The following B3GALT1 variants were observed in gnomAD, a reference collection of about 807,000 sequenced individuals.
B3GALT1 encodes beta-1,3-galactosyltransferase 1, also known as UDP-Gal:betaGlcNAc beta 1,3-galactosyltransferase, polypeptide 1.
In B3GALT1, 10 loss-of-function variants were observed where a neutral mutation model predicts 23.2. The ratio of observed to expected loss-of-function variants is 0.43; its 90% CI spans 0.27 to 0.73. B3GALT1 has a LOEUF of 0.73. Ranked by LOEUF, B3GALT1 falls within the 30% of genes least tolerant of loss-of-function variation. B3GALT1 has a pLI of 0.21. For synonymous variants in B3GALT1, 156 were observed against 141.5 expected (o/e 1.10, Z -0.73); for missense variants, 299 against 405.4 (o/e 0.74, Z 2.25).
At chr2:167,796,432 A>G (rs1688547676) in intron 3 of B3GALT1, among the ~76,000 whole-genome samples, 1 of 152,136 alleles carries the variant, frequency 6.6e-6, no homozygotes, top group South Asian at 2.1e-4. Flanking sequence ...GCATAATAAC[A>G]TTTTCCCATT....
chr2:167,666,311 A>G (rs1242423213), intron 3 of B3GALT1, among the ~76,000 whole-genome samples: 3 of 152,074 alleles, frequency 2.0e-5, no homozygotes, highest in Admixed American at 6.6e-5. Context: ...TGTGGTCTGA[A>G]AGACAGTTTG....
At chr2:167,636,901 G>A (rs958419709) in intron 2 of B3GALT1, among the ~76,000 whole-genome samples, 2 of 151,876 alleles carry the variant, frequency 1.3e-5, no homozygotes, top group Non-Finnish European at 2.9e-5. Flanking sequence ...GGGTTGATGG[G>A]TGCAGCAAAC....
At chr2:167,684,281 A>G (rs1222151448) in intron 3 of B3GALT1, among the ~76,000 whole-genome samples, 1 of 152,192 alleles carries the variant, frequency 6.6e-6, no homozygotes, top group Non-Finnish European at 1.5e-5. Flanking sequence ...ATTCAATAAA[A>G]TCACTGAATA....
chr2:167,513,079 A>G, intron 2 of B3GALT1, among the ~76,000 whole-genome samples: 1 of 141,652 alleles, frequency 7.1e-6, no homozygotes, highest in African/African-American at 2.7e-5. Flanking sequence ...AAAAAAAAAA[A>G]AAAAAAAAAA....
intron 2 of B3GALT1, among the ~76,000 whole-genome samples, chr2:167,496,855 C>T (rs759753421): frequency 2.6e-5 from 4 of 152,096 alleles, no homozygotes; most frequent in Non-Finnish European, 5.9e-5. Flanking sequence ...ACTCTGTAAC[C>T]CTGAAGAAGG....
intron 3 of B3GALT1, among the ~76,000 whole-genome samples, chr2:167,677,707 GTGTAGTAGTCCATTCTCA>G (rs1416462234): frequency 1.3e-5 from 2 of 151,942 alleles, no homozygotes; most frequent in African/African-American, 4.8e-5. Flanking sequence ...CCTGGACCCC[GTGTAGTAGTCCATTCTCA>G]TGCTGCTATA....
intron 1 of B3GALT1, among the ~76,000 whole-genome samples, chr2:167,414,696 G>A (rs1167923405): frequency 6.6e-6 from 1 of 152,072 alleles, no homozygotes; most frequent in East Asian, 1.9e-4. Flanking sequence ...ATGAACCTAG[G>A]GTAATGCCCA....
intron 3 of B3GALT1, chr2:167,714,518 C>G: frequency 6.2e-7 from 1 of 1,611,664 alleles, no homozygotes; most frequent in Non-Finnish European, 8.5e-7. Context: ...ATATGGCGAA[C>G]GCTCTCTGCC....
At chr2:167,400,336 A>G (rs953412007) in intron 1 of B3GALT1, among the ~76,000 whole-genome samples, 1 of 151,674 alleles carries the variant, frequency 6.6e-6, no homozygotes, top group Non-Finnish European at 1.5e-5. Context: ...TTCCCCTTTT[A>G]TTTCCTCTGT....
chr2:167,565,649 A>C (rs1184602826), intron 2 of B3GALT1, among the ~76,000 whole-genome samples: 1 of 152,228 alleles, frequency 6.6e-6, no homozygotes, highest in Non-Finnish European at 1.5e-5. Context: ...ATGAACTCAA[A>C]CAAATTTACA....
At chr2:167,851,620 G>A (rs991017686) in intron 4 of B3GALT1, among the ~76,000 whole-genome samples, 2 of 152,114 alleles carry the variant, frequency 1.3e-5, no homozygotes, top group African/African-American at 2.4e-5. Context: ...AAATAATAAG[G>A]CTATTGGAAT....
chr2:167,444,714 C>T (rs1331078043), intron 1 of B3GALT1, among the ~76,000 whole-genome samples: 1 of 152,048 alleles, frequency 6.6e-6, no homozygotes, highest in Non-Finnish European at 1.5e-5. Context: ...GTGGTGATAA[C>T]CCCTTTATCA....
chr2:167,723,687 C>T (rs921283618), intron 3 of B3GALT1, among the ~76,000 whole-genome samples: 2 of 152,018 alleles, frequency 1.3e-5, no homozygotes, highest in African/African-American at 4.8e-5. Flanking sequence ...CATGCCACCA[C>T]ACCCAGCTAA....
chr2:167,803,492 A>C (rs1160227419), intron 3 of B3GALT1, among the ~76,000 whole-genome samples: 2 of 152,170 alleles, frequency 1.3e-5, no homozygotes, highest in Non-Finnish European at 2.9e-5. Context: ...CAATAGGCGT[A>C]GCTCTATTGT....
Position 167,869,196 on chromosome 2 carries a change from A to G in B3GALT1, c.157A>G (p.Ile53Val). The change falls in exon 5 of 5, where the codon ATA becomes GTA. Residue 53 changes from isoleucine (I) to valine (V), a missense_variant. Physicochemically the swap from Ile to Val is conservative, Grantham distance 29. Around this residue, in one of 3 missense-constraint regions of B3GALT1, gnomAD observed 162 missense variants for 184.1 expected, o/e 0.88. Transcript: ENST00000392690. This position sits in a 1 kb window ranked among gnomAD's most constrained non-coding sequence, Gnocchi z 6.4. ...CAGGAAAAACTTCACCTTTGGCAAC[A>G]TAAGAACTCGACCTATCAACCCACA... ...VARKNFTFGN[I>V]RTRPINPHSF... 6.2e-7 allele frequency: 1 copy of G among 1,614,214 alleles called. No individual in the cohort carries two copies. The highest frequency in any genetic ancestry group is 8.5e-7 in the Non-Finnish European group (1 of 1,180,028).
intron 3 of B3GALT1, chr2:167,716,181 C>T: frequency 1.8e-6 from 2 of 1,125,328 alleles, no homozygotes. Context: ...CCGGAGCGGA[C>T]TACTGCGGAG....
intron 3 of B3GALT1, among the ~76,000 whole-genome samples, chr2:167,754,734 C>T (rs916950683): frequency 6.6e-6 from 1 of 152,206 alleles, no homozygotes; most frequent in African/African-American, 2.4e-5. Context: ...GAAGCACCCA[C>T]TGAGTTCAAC....
At chr2:167,657,674 C>A (rs949599229) in intron 3 of B3GALT1, among the ~76,000 whole-genome samples, 1 of 152,030 alleles carries the variant, frequency 6.6e-6, no homozygotes, top group African/African-American at 2.4e-5. Flanking sequence ...GTCTAGTGGG[C>A]TGATAGTGAT....
At chr2:167,410,829 A>G (rs959085434) in intron 1 of B3GALT1, among the ~76,000 whole-genome samples, 1 of 152,160 alleles carries the variant, frequency 6.6e-6, no homozygotes, top group Non-Finnish European at 1.5e-5. Context: ...ATACTCCCCC[A>G]AAATGTCCTT....
Sources: allele counts gnomAD v4.1 joint callset (sites outside exome capture counted in the v4.1 genomes callset), GRCh38; gene constraint gnomAD v4.1.1; regional missense constraint gnomAD v4.1.1; non-coding constraint Gnocchi (gnomAD v3.1); transcripts MANE v1.5; gene names NCBI Gene and HGNC (gene_info 2026-07-23, HGNC 2026-07-21).